LRP6: variants seen among roughly 807,000 people sequenced by gnomAD.
The protein encoded by LRP6 is LDL receptor related protein 6, also known as low-density lipoprotein receptor-related protein 6.
A neutral mutation model predicts 184.1 loss-of-function variants in LRP6; 43 were observed. The observed-to-expected ratio is 0.23, with a 90% confidence interval of 0.18 to 0.30. The LOEUF (loss-of-function observed/expected upper bound fraction) is 0.30. LRP6 is among the 10% of genes least tolerant of loss of function. The pLI, the probability that LRP6 is intolerant of heterozygous loss-of-function variation, is 1.00. For synonymous variants in LRP6, 719 were observed against 684.9 expected, an observed-to-expected ratio of 1.05 and a Z score of -0.78; for missense variants, 1,571 against 2,005.3, an observed-to-expected ratio of 0.78 and a Z score of 4.14.
intron 17 of LRP6, among the ~76,000 whole-genome samples, chr12:12,133,730 A>G (rs1026223956): frequency 6.6e-6 from 1 of 151,600 alleles, no homozygotes; most frequent in African/African-American, 2.4e-5. Flanking sequence ...AAACTGGAAG[A>G]TGAGATCCTT....
intron 15 of LRP6, among the ~76,000 whole-genome samples, chr12:12,142,815 T>G (rs1949953185): frequency 6.6e-6 from 1 of 152,160 alleles, no homozygotes; most frequent in Non-Finnish European, 1.5e-5. Context: ...AGTAAATTCC[T>G]TAATTTGACA....
intron 7 of LRP6, among the ~76,000 whole-genome samples, chr12:12,178,028 A>G (rs1177776973): frequency 1.3e-5 from 2 of 152,146 alleles, no homozygotes; most frequent in Non-Finnish European, 2.9e-5. Flanking sequence ...CTGTATGTAT[A>G]TATATATATA....
chr12:12,165,819 C>T (rs570875518), intron 7 of LRP6, among the ~76,000 whole-genome samples: 1 of 152,040 alleles, frequency 6.6e-6, no homozygotes, highest in Non-Finnish European at 1.5e-5. Context: ...TCAGTAACAA[C>T]AAAAAACAGA....
chr12:12,193,195 T>C (rs1332080245), intron 3 of LRP6, among the ~76,000 whole-genome samples: 1 of 151,870 alleles, frequency 6.6e-6, no homozygotes, highest in African/African-American at 2.4e-5. Flanking sequence ...TTTTAAATAT[T>C]TTGAGCTAAA....
intron 2 of LRP6, among the ~76,000 whole-genome samples, chr12:12,204,276 AG>A (rs1863990601): frequency 7.7e-6 from 1 of 130,716 alleles, no homozygotes; most frequent in Non-Finnish European, 1.6e-5. Flanking sequence ...ATGTCATAAA[AG>A]TCAAAAAAAA....
chr12:12,204,172 C>A (rs1031141214), intron 2 of LRP6, among the ~76,000 whole-genome samples: 8 of 151,612 alleles, frequency 5.3e-5, no homozygotes, highest in Admixed American at 6.6e-5. Context: ...ATTATTCCTG[C>A]CCCCAAAAAA....
At position 12,131,990 on chromosome 12, in the gene LRP6, A is replaced by T; in HGVS notation, c.3801T>A (p.Ala1267=). The T allele has an allele frequency of 6.2e-7, 1 of 1,614,178 alleles. No homozygotes were observed. Among genetic ancestry groups the T allele is most frequent in the Non-Finnish European group, 8.5e-7 (1 of 1,180,040 alleles). The part of the protein sequence containing the change: ...FTGEIDCIPV[A]WRCDGFTECE... ...ATTCAGTAAACCCATCGCACCGCCA[A>T]GCCACAGGGATACAGTCAATTTCCC... The change falls in exon 18 of 23, where the codon GCT becomes GCA. Residue 1267 remains alanine, a synonymous_variant. Coordinates refer to ENST00000261349, the MANE Select transcript of LRP6 (RefSeq NM_002336.3).
chr12:12,165,871 A>C (rs1275303209), intron 7 of LRP6, among the ~76,000 whole-genome samples: 6 of 152,200 alleles, frequency 3.9e-5, no homozygotes. Flanking sequence ...CTGAGATTAT[A>C]ATCACAAAAG....
intron 2 of LRP6, among the ~76,000 whole-genome samples, chr12:12,236,940 G>A (rs1197288568): frequency 6.6e-6 from 1 of 151,770 alleles, no homozygotes; most frequent in Admixed American, 6.6e-5. Flanking sequence ...TTTTTATATA[G>A]GTATGACTGA....
At chr12:12,128,235 A>G (rs1390057839) in intron 19 of LRP6, among the ~76,000 whole-genome samples, 2 of 152,208 alleles carry the variant, frequency 1.3e-5, no homozygotes, top group Non-Finnish European at 2.9e-5. Context: ...CTCTTTAAAA[A>G]AAAGTCTGAT....
Position 12,150,893 on chromosome 12 carries a change from G to C in LRP6, c.2937C>G (p.Leu979=), listed in dbSNP as rs1337666976. Residue 979 remains leucine (L), a synonymous_variant, in exon 13 of 23, where the codon CTC becomes CTG. Coordinates refer to ENST00000261349, the MANE Select transcript of LRP6 (RefSeq NM_002336.3). ...AIDYDPLDKQ[L]YWIDSRQNMI... is the part of the protein sequence containing the mutation. ...TGTTTTGTCGTGAGTCAATCCAATA[G>C]AGTTGCTTGTCCAGTGGGTCATAGT... The C allele has an allele frequency of 3.1e-6, 5 of 1,614,158 alleles. No homozygotes were observed. Among genetic ancestry groups the C allele is most frequent in the Non-Finnish European group, 2.5e-6 (3 of 1,180,022 alleles).
At chr12:12,189,031 C>A (rs1486122091) in intron 3 of LRP6, among the ~76,000 whole-genome samples, 1 of 152,122 alleles carries the variant, frequency 6.6e-6, no homozygotes, top group African/African-American at 2.4e-5. Context: ...AAAAAAAAGG[C>A]TTCAAAAAGT....
At chr12:12,146,541 A>G (rs765109666) in intron 15 of LRP6, among the ~76,000 whole-genome samples, 6 of 152,258 alleles carry the variant, frequency 3.9e-5, no homozygotes, top group Non-Finnish European at 5.9e-5. Context: ...AAGTAAAAGT[A>G]TATCTTAAGA....
chr12:12,256,213 C>T (rs544592843), intron 1 of LRP6, among the ~76,000 whole-genome samples: 4 of 152,116 alleles, frequency 2.6e-5, no homozygotes, highest in Admixed American at 6.6e-5. Flanking sequence ...TTCAGAAACA[C>T]GAGATACTGG....
At position 12,266,732 on chromosome 12, in the gene LRP6, C is replaced by T. The variant is rs367627796; in HGVS notation, c.4G>A (p.Gly2Arg). ...GCCAGGAGGCTCCTCAGGACGGCCC[C>T]CATCTTCCCTTCTCGCGTTCTCTTC... The part of the protein sequence containing the change: M[G>R]AVLRSLLACS... The change falls in exon 1 of 23, where the codon GGG becomes AGG. Residue 2 changes from glycine (G) to arginine (R), a missense_variant. Transcript: ENST00000261349. 20 of 1,613,446 alleles carry T rather than the reference C, an allele frequency of 1.2e-5. No homozygotes were observed. The highest frequency in any genetic ancestry group is 1.6e-5 in the Non-Finnish European group (19 of 1,179,722).
At chr12:12,257,301 G>A (rs1015598636) in intron 1 of LRP6, among the ~76,000 whole-genome samples, 5 of 152,028 alleles carry the variant, frequency 3.3e-5, no homozygotes, top group African/African-American at 1.2e-4. Flanking sequence ...TTGACAGGCC[G>A]GGTGCGGTGG....
Position 12,132,040 on chromosome 12 carries a change from G to A in LRP6, c.3751C>T (p.Pro1251Ser). Residue 1251 changes from proline to serine, a missense_variant, in exon 18 of 23, where the codon CCT (proline) becomes TCT (serine). Transcript: ENST00000261349. Reference sequence around the variant, plus strand: ...CCCGTGAAACAAGTAAACTGCTGAGGAGAACATGTTGGAGGTTCTTCAAAT... The same window carrying A: ...CCCGTGAAACAAGTAAACTGCTGAGAAGAACATGTTGGAGGTTCTTCAAAT... ...LSCGEPPTCSPQQFTCFTGEI... is the reference protein window; with the variant it reads ...LSCGEPPTCSSQQFTCFTGEI... 6.2e-7 allele frequency: 1 copy of A among 1,613,664 alleles called. No individual in the cohort carries two copies. Among genetic ancestry groups the A allele is most frequent in the African/African-American group, 1.3e-5 (1 of 75,032 alleles).
At chr12:12,175,721 TAA>T (rs1863164080) in intron 7 of LRP6, among the ~76,000 whole-genome samples, 1 of 147,534 alleles carries the variant, frequency 6.8e-6, no homozygotes, top group Non-Finnish European at 1.5e-5. Flanking sequence ...TAAAATAAAA[TAA>T]AATAAAATAA....
intron 12 of LRP6, among the ~76,000 whole-genome samples, chr12:12,157,298 T>C (rs1418580352): frequency 6.6e-6 from 1 of 151,864 alleles, no homozygotes; most frequent in Non-Finnish European, 1.5e-5. Context: ...TCCACATACA[T>C]CTCGAATCCA....
Sources: allele counts gnomAD v4.1 joint callset (sites outside exome capture counted in the v4.1 genomes callset), GRCh38; gene constraint gnomAD v4.1.1; transcripts MANE v1.5; gene names NCBI Gene and HGNC (gene_info 2026-07-23, HGNC 2026-07-21).